The following DHX37 variants were observed in gnomAD, a reference collection of about 807,000 sequenced individuals.
The protein encoded by DHX37 is probable ATP-dependent RNA helicase DHX37.
DHX37 carries 52 observed loss-of-function variants against 134.3 expected under a neutral mutation model. The ratio of observed to expected loss-of-function variants is 0.39; its 90% CI spans 0.31 to 0.49. DHX37 has a LOEUF of 0.49. DHX37 is among the 20% of genes least tolerant of loss of function. The pLI, the probability that DHX37 is intolerant of heterozygous loss-of-function variation, is 0.93. For synonymous variants in DHX37, 634 were observed against 670.7 expected (o/e 0.95, Z 0.85); for missense variants, 1,344 against 1,580.8 (o/e 0.85, Z 2.54).
intron 16 of DHX37, among the ~76,000 whole-genome samples, chr12:124,957,660 G>A (rs1322582068): frequency 1.3e-5 from 2 of 152,214 alleles, no homozygotes; most frequent in East Asian, 1.9e-4. Flanking sequence ...GGTGGCGCTC[G>A]CCTGTAGTCC....
chr12:124,987,377 T>C (rs1250000492), intron 1 of DHX37, among the ~76,000 whole-genome samples: 3 of 152,102 alleles, frequency 2.0e-5, no homozygotes, highest in Non-Finnish European at 4.4e-5. Flanking sequence ...GTAATCTGAG[T>C]CATGTTCTTA....
chr12:124,959,219 G>A (rs1193986715), intron 16 of DHX37, among the ~76,000 whole-genome samples: 5 of 151,966 alleles, frequency 3.3e-5, no homozygotes, highest in South Asian at 2.1e-4. Context: ...GATTACAGGC[G>A]TGTGCCACCA....
intron 16 of DHX37, among the ~76,000 whole-genome samples, chr12:124,959,279 T>C (rs1300323818): frequency 6.6e-6 from 1 of 152,112 alleles, no homozygotes; most frequent in Non-Finnish European, 1.5e-5. Context: ...TTCACCTTGT[T>C]GGCCAAGCTG....
At position 124,988,949 on chromosome 12, in the gene DHX37, G is replaced by A. The variant is rs1470698098; in HGVS notation, c.74C>T (p.Pro25Leu). ...TTCCAGCTGCACGGGGGGCGGCTCG[G>A]GGGGGCCCTTCGAGGGTCCGGGGCC... ...QAGPGPSKGPPEPPPVQLELE... is the reference protein window; with the variant it reads ...QAGPGPSKGPLEPPPVQLELE... The change falls in exon 1 of 27, where the codon CCC (proline) becomes CTC (leucine). Residue 25 changes from proline to leucine, a missense_variant. Transcript: ENST00000308736. 3.7e-6 allele frequency: 5 copies of A among 1,341,938 alleles called. No homozygotes were observed. The South Asian group carries it at 1.2e-4, about 32-fold the overall frequency. 83.1% of individuals were successfully genotyped at this position (1,341,938 alleles called of 1,614,324 possible). A position where few individuals can be genotyped will look rare whatever the true frequency, so the allele number is the denominator to read the frequency against.
intron 14 of DHX37, 86 bp from the exon 15 acceptor site, chr12:124,964,712 G>A: frequency 6.4e-7 from 1 of 1,556,732 alleles, no homozygotes; most frequent in Non-Finnish European, 8.7e-7. Context: ...AGCCAGCCAG[G>A]CTGGTGTGCT....
Position 124,957,091 on chromosome 12 carries a change from A to G in DHX37, c.2202T>C (p.Leu734=). The change falls in exon 17 of 27, where the codon CTT becomes CTC. Residue 734 remains leucine (L), a synonymous_variant. Transcript: ENST00000308736. ...PFPTPPSVEA[L]LAAEELLIAL... is the part of the protein sequence containing the mutation. ...CGATCAACAGCTCCTCGGCGGCAAG[A>G]AGGGCTTCCACGGAGGGGGGCGTCG... 1 of 1,496,574 alleles carries G rather than the reference A, an allele frequency of 6.7e-7. No individual in the cohort carries two copies. Among genetic ancestry groups the G allele is most frequent in the Non-Finnish European group, 8.9e-7 (1 of 1,127,120 alleles). 92.7% of individuals were successfully genotyped at this position (1,496,574 alleles called of 1,614,324 possible).
intron 10 of DHX37, 95 bp downstream of exon 10, chr12:124,968,439 T>A (rs1174715773): frequency 1.3e-6 from 2 of 1,560,160 alleles, no homozygotes; most frequent in Non-Finnish European, 1.7e-6. Flanking sequence ...AAGGGACTTT[T>A]CTGAGCCACT....
intron 7 of DHX37, among the ~76,000 whole-genome samples, chr12:124,972,232 G>A (rs1020086907): frequency 2.0e-5 from 3 of 152,220 alleles, no homozygotes; most frequent in Admixed American, 1.3e-4. Flanking sequence ...CACATTTCAC[G>A]AGCACCTTCT....
In DHX37 at chr12:124,959,467, CAT is replaced by C. The variant is rs377732052; in HGVS notation, c.2157+843_2157+844del. 3.5e-3 allele frequency among the ~76,000 whole-genome samples: 534 copies of C among 152,172 alleles called. 4 individuals are homozygous for C. The highest frequency in any genetic ancestry group is 0.011 in the African/African-American group (474 of 41,530). The stretch of plus-strand genomic sequence containing the variant: ...CAAATTCCTGACCTCAACTAATCCA[CAT>C]GTCTCAGCCTCCCAAAGTGCTAGGA... On this transcript the variant is annotated intron_variant, in intron 16 of 26. Transcript: ENST00000308736.
At position 124,949,369 on chromosome 12, in the gene DHX37, T is replaced by A. The variant is rs372174497; in HGVS notation, c.3290+617A>T. 2.2e-4 allele frequency among the ~76,000 whole-genome samples: 33 copies of A among 152,306 alleles called. No individual in the cohort carries two copies. In the East Asian group the frequency reaches 6.2e-3, roughly 29 times the overall value. ...CCAGCCCCAGGAAGGGGGAGGTGTCTGTGGGTCTGGACCACAGGCAGGAGG... is the reference window on the plus strand; with the variant it reads ...CCAGCCCCAGGAAGGGGGAGGTGTCAGTGGGTCTGGACCACAGGCAGGAGG... On this transcript the variant is annotated intron_variant, in intron 25 of 26. Coordinates refer to ENST00000308736, the MANE Select transcript of DHX37 (RefSeq NM_032656.4). This position sits in a 1 kb window ranked among gnomAD's most constrained non-coding sequence, Gnocchi z 4.0.
At chr12:124,977,238 C>A in intron 5 of DHX37, 104 bp downstream of exon 5, 1 of 1,376,628 alleles carries the variant, frequency 7.3e-7, no homozygotes, top group Non-Finnish European at 9.6e-7. Context: ...ATGCACAGGG[C>A]AGATCCAGGA....
At chr12:124,964,813 A>G in intron 14 of DHX37, 117 bp downstream of exon 14, 1 of 1,435,150 alleles carries the variant, frequency 7.0e-7, no homozygotes, top group South Asian at 1.3e-5. Flanking sequence ...ATATTCCTCA[A>G]AACTCTGGGG....
intron 2 of DHX37, among the ~76,000 whole-genome samples, chr12:124,984,845 C>T (rs1380591900): frequency 1.3e-5 from 2 of 152,134 alleles, no homozygotes; most frequent in African/African-American, 4.8e-5. Context: ...CCAGAACTTG[C>T]GAACGTGACC....
At chr12:124,954,989 T>G (rs1041993414) in intron 18 of DHX37, among the ~76,000 whole-genome samples, 5 of 152,140 alleles carry the variant, frequency 3.3e-5, no homozygotes, top group Admixed American at 1.3e-4. Context: ...CAGAGAGAGA[T>G]TCGAACCATA....
intron 15 of DHX37, among the ~76,000 whole-genome samples, chr12:124,963,248 C>T (rs1208574734): frequency 1.3e-5 from 2 of 152,210 alleles, no homozygotes; most frequent in Admixed American, 6.5e-5. Flanking sequence ...AGGCCAGACA[C>T]GAGGGGCCAC....
At chr12:124,961,459 C>T (rs1237458413) in intron 15 of DHX37, among the ~76,000 whole-genome samples, 5 of 152,084 alleles carry the variant, frequency 3.3e-5, no homozygotes, top group Admixed American at 6.5e-5. Context: ...GATGAAGTCT[C>T]GCTCTGTCGC....
chr12:124,973,183 C>T (rs7971389), intron 6 of DHX37, among the ~76,000 whole-genome samples: 104,392 of 151,908 alleles, frequency 0.69, 36,279 homozygotes, highest in East Asian at 0.85. Flanking sequence ...TTTGGGAGGC[C>T]GAGGTGGGTG....
chr12:124,971,901 G>A (rs1224314497), intron 7 of DHX37, among the ~76,000 whole-genome samples: 1 of 152,200 alleles, frequency 6.6e-6, no homozygotes, highest in Non-Finnish European at 1.5e-5. Flanking sequence ...CTTCCCCAAG[G>A]CCCAAGTGGG....
intron 16 of DHX37, 50 bp from the exon 17 acceptor site, chr12:124,957,185 T>G (rs1016917392): frequency 9.7e-6 from 14 of 1,439,536 alleles, no homozygotes; most frequent in Non-Finnish European, 1.2e-5. Flanking sequence ...CAAGAACAAG[T>G]CCGGTGCTCC....
Sources: gnomAD v4.1 joint callset for allele counts (sites outside exome capture counted in the v4.1 genomes callset) on GRCh38, gnomAD v4.1.1 for gene constraint, Gnocchi (gnomAD v3.1) non-coding constraint, MANE v1.5 for transcripts, NCBI Gene and HGNC (gene_info 2026-07-23, HGNC 2026-07-21) for gene names.